Variants in IGLON5 observed in about 807,000 individuals in gnomAD.
IGLON5 encodes Ig-like domain-containing protein ENSP00000270642.
A neutral mutation model predicts 38.2 loss-of-function variants in IGLON5; 16 were observed. That is an observed-to-expected ratio of 0.42 (90% CI 0.28 to 0.64). The LOEUF is 0.64. IGLON5 is among the 30% of genes least tolerant of loss of function. The pLI is 0.23. For synonymous variants in IGLON5, 207 were observed against 216.4 expected (o/e 0.96, Z 0.38); for missense variants, 366 against 483.4 (o/e 0.76, Z 2.28).
At position 51,323,736 on chromosome 19, in the gene IGLON5, G is replaced by C. The variant is rs772175197; in HGVS notation, c.233G>C (p.Arg78Pro). ...RSNILYAGND[R>P]WTSDPRVRLL... ...AACATCCTGTATGCCGGCAATGACC[G>C]CTGGACCAGCGACCCGCGGGTGCGG... is the stretch of plus-strand genomic sequence containing the variant. Residue 78 changes from arginine (R) to proline (P), a missense_variant, in exon 3 of 8, where the codon CGC becomes CCC. Arg to Pro is a moderately radical substitution (Grantham distance 103). Coordinates refer to ENST00000270642, the MANE Select transcript of IGLON5 (RefSeq NM_001101372.3). 1.2e-6 allele frequency: 2 copies of C among 1,613,952 alleles called. No individual in the cohort carries two copies. Among genetic ancestry groups the C allele is most frequent in the Non-Finnish European group, 8.5e-7 (1 of 1,179,894 alleles).
intron 7 of IGLON5, among the ~76,000 whole-genome samples, chr19:51,328,465 T>C: frequency 6.7e-6 from 1 of 149,584 alleles, no homozygotes; most frequent in Non-Finnish European, 1.5e-5. Flanking sequence ...TGAGCCGAGA[T>C]TGCGCCTGGG....
intron 1 of IGLON5, among the ~76,000 whole-genome samples, chr19:51,319,884 T>G (rs1985011564): frequency 6.7e-6 from 1 of 149,734 alleles, no homozygotes. Context: ...TTGTATGTGT[T>G]TGTGTGTGTG....
Position 51,328,711 on chromosome 19 carries a change from G to C in IGLON5, c.963G>C (p.Gly321=). ...AGAACTCAGCCCCGAGGCCCCCAGGGCTCCTGGCCCTCCTCTCCGCCCTGG... is the reference window on the plus strand; with the variant it reads ...AGAACTCAGCCCCGAGGCCCCCAGGCCTCCTGGCCCTCCTCTCCGCCCTGG... The part of the protein sequence containing the change: ...SLENSAPRPP[G]LLALLSALGW... The change falls in exon 8 of 8, where the codon GGG becomes GGC. Residue 321 remains glycine (G), a synonymous_variant. Coordinates refer to ENST00000270642, the MANE Select transcript of IGLON5 (RefSeq NM_001101372.3). The C allele has an allele frequency of 6.3e-7, 1 of 1,599,332 alleles. No individual in the cohort carries two copies. The highest frequency in any genetic ancestry group is 8.5e-7 in the Non-Finnish European group (1 of 1,173,150).
rs370916177 is a variant in IGLON5, at chr19:51,326,759, C to T, written c.512-5C>T. The T allele has an allele frequency of 3.2e-6, 5 of 1,546,856 alleles. No individual in the cohort carries two copies. The highest frequency in any genetic ancestry group is 2.0e-5 in the Admixed American group (1 of 50,324). On this transcript the variant is annotated splice_polypyrimidine_tract_variant and splice_region_variant and intron_variant, in intron 4 of 7. Coordinates refer to ENST00000270642, the MANE Select transcript of IGLON5 (RefSeq NM_001101372.3). ...CCCGCCCCCTCCTCCTCCTTCCCCC[C>T]ACAGACGGCTTCACCTCGGAGGGAG...
At chr19:51,318,558 C>A (rs1354711700) in intron 1 of IGLON5, among the ~76,000 whole-genome samples, 1 of 151,190 alleles carries the variant, frequency 6.6e-6, no homozygotes, top group Non-Finnish European at 1.5e-5. Context: ...GGCAACATGG[C>A]AAGACCTCGT....
intron 1 of IGLON5, among the ~76,000 whole-genome samples, chr19:51,319,757 G>T (rs1035189595): frequency 6.6e-6 from 1 of 152,184 alleles, no homozygotes; most frequent in Non-Finnish European, 1.5e-5. Flanking sequence ...CTGGGTGCCT[G>T]TGCAGAGCTG....
chr19:51,312,499 G>A (rs531855395), intron 1 of IGLON5, among the ~76,000 whole-genome samples: 38 of 152,246 alleles, frequency 2.5e-4, no homozygotes, highest in African/African-American at 8.9e-4. Flanking sequence ...GGAAAAGAGG[G>A]GAAGGGTCTG....
intron 4 of IGLON5, 147 bp from the exon 5 acceptor site, chr19:51,326,617 G>GCCCCCCCCC: frequency 8.0e-6 from 1 of 124,556 alleles, no homozygotes. Context: ...CGGCCCTGCA[G>GCCCCCCCCC]CCCCTCCCCC....
In IGLON5 at chr19:51,328,938, T is replaced by C; in HGVS notation, c.*179T>C. 1.9e-6 allele frequency: 1 copy of C among 517,534 alleles called. No homozygotes were observed. The highest frequency in any genetic ancestry group is 3.4e-6 in the Non-Finnish European group (1 of 291,660). The allele number at this position is 517,534 out of a possible 1,614,324, so 32.1% of individuals were successfully genotyped here. A position where few individuals can be genotyped will look rare whatever the true frequency, so the allele number is the denominator to read the frequency against. On this transcript the variant is annotated 3_prime_UTR_variant, in exon 8 of 8. Transcript: ENST00000270642. ...AAGATCTTCAGAGAACCCATCACTG[T>C]GAGGGATAACGCAAAATTATGCATC...
chr19:51,311,768 C>G lies in IGLON5; in HGVS notation c.-80C>G, dbSNP rs1347643516. On this transcript the variant is annotated 5_prime_UTR_variant, in exon 1 of 8. Transcript: ENST00000270642. ...CAGCGCAGGCGGGGTCCCCCTCCCC[C>G]TCCCCCCTCTCCCCCCAGGCCTCGC... 2.4e-5 allele frequency: 6 copies of G among 245,582 alleles called. No homozygotes were observed. Among genetic ancestry groups the G allele is most frequent in the Non-Finnish European group, 4.6e-5 (6 of 130,010 alleles). The allele number at this position is 245,582 out of a possible 1,614,324, so 15.2% of individuals were successfully genotyped here. A position where few individuals can be genotyped will look rare whatever the true frequency, so the allele number is the denominator to read the frequency against.
Position 51,325,908 on chromosome 19 carries a change from C to T in IGLON5, c.511+443C>T, listed in dbSNP as rs968939655. Among the ~76,000 whole-genome samples, 8 of 152,176 alleles carry T rather than the reference C, an allele frequency of 5.3e-5. No homozygotes were observed. In the East Asian group the frequency reaches 9.6e-4, roughly 18 times the overall value. On this transcript the variant is annotated intron_variant, in intron 4 of 7. Transcript: ENST00000270642. This position sits in a 1 kb window ranked among gnomAD's most constrained non-coding sequence, Gnocchi z 5.5. Reference sequence around the variant, plus strand: ...GGTGTGGGCCCCAGACCCGAAGCATCAGCATACCTTGGGAACTTGCCAGGA... The same window carrying T: ...GGTGTGGGCCCCAGACCCGAAGCATTAGCATACCTTGGGAACTTGCCAGGA...
chr19:51,323,414 G>A (rs1209267735), intron 2 of IGLON5, among the ~76,000 whole-genome samples: 1 of 151,718 alleles, frequency 6.6e-6, no homozygotes, highest in African/African-American at 2.4e-5. Context: ...TCCCCTTTTT[G>A]TGTCTCTGAC....
In IGLON5 at chr19:51,311,847, G is replaced by T; in HGVS notation, c.-1G>T. 1.6e-6 allele frequency: 2 copies of T among 1,240,376 alleles called. No homozygotes were observed. The highest frequency in any genetic ancestry group is 2.5e-5 in the South Asian group (1 of 40,360). The allele number at this position is 1,240,376 out of a possible 1,614,324, so 76.8% of individuals were successfully genotyped here. A position where few individuals can be genotyped will look rare whatever the true frequency, so the allele number is the denominator to read the frequency against. Reference sequence around the variant, plus strand: ...TCCCCCTCCGCGCCGCCTCTGCCGCGATGCCCCCCCCTGCGCCCGGGGCCC... The same window carrying T: ...TCCCCCTCCGCGCCGCCTCTGCCGCTATGCCCCCCCCTGCGCCCGGGGCCC... On this transcript the variant is annotated 5_prime_UTR_variant, in exon 1 of 8. Coordinates refer to ENST00000270642, the MANE Select transcript of IGLON5 (RefSeq NM_001101372.3).
At position 51,311,671 on chromosome 19, in the gene IGLON5, G is replaced by A. The variant is rs1441254245; in HGVS notation, c.-177G>A. ...CAGCGCCGCCCCCCTCCCCGGGTCT[G>A]CAGCAGCTCCAGCCGCCTCGTCGCG... On this transcript the variant is annotated 5_prime_UTR_variant, in exon 1 of 8. Coordinates refer to ENST00000270642, the MANE Select transcript of IGLON5 (RefSeq NM_001101372.3). 7.3e-6 allele frequency among the ~76,000 whole-genome samples: 1 copy of A among 136,712 alleles called. No homozygotes were observed. Among genetic ancestry groups the A allele is most frequent in the Non-Finnish European group, 1.6e-5 (1 of 62,786 alleles). 89.7% of individuals were successfully genotyped at this position (136,712 alleles called of 152,430 possible).
rs1457633707 is a variant in IGLON5 at position 51,329,969 on chromosome 19, A to T, written c.*1210A>T. The T allele has an allele frequency of 1.3e-5, 2 of 152,248 alleles. No homozygotes were observed. The highest frequency in any genetic ancestry group is 2.4e-5 in the African/African-American group (1 of 41,450). The allele number at this position is 152,248 out of a possible 1,614,324, so 9.4% of individuals were successfully genotyped here. A position where few individuals can be genotyped will look rare whatever the true frequency, so the allele number is the denominator to read the frequency against. On this transcript the variant is annotated 3_prime_UTR_variant, in exon 8 of 8. Transcript: ENST00000270642. The surrounding 1 kb of genome is among the most constrained non-coding windows in gnomAD (Gnocchi z 4.3). ...TCAGGAAGGGACGCTGAGAGGCCGC[A>T]GCCTCAGCTCTGACTGTAGGAACAC...
chr19:51,321,782 A>G (rs1480615570), intron 1 of IGLON5, among the ~76,000 whole-genome samples: 1 of 152,048 alleles, frequency 6.6e-6, no homozygotes, highest in African/African-American at 2.4e-5. Flanking sequence ...TGAGTCTGTG[A>G]GTCTGTGTGG....
chr19:51,325,413 T>G lies in IGLON5; in HGVS notation c.459T>G (p.Leu153=). The part of the protein sequence containing the change: ...TVNEGGNVNL[L]CLAVGRPEPT... ...ATGAGGGGGGCAATGTGAACCTGCTTTGCCTGGCCGTGGGGCGGCCAGAGC... is the reference window on the plus strand; with the variant it reads ...ATGAGGGGGGCAATGTGAACCTGCTGTGCCTGGCCGTGGGGCGGCCAGAGC... Residue 153 remains leucine (L), a synonymous_variant, in exon 4 of 8, where the codon CTT becomes CTG. Coordinates refer to ENST00000270642, the MANE Select transcript of IGLON5 (RefSeq NM_001101372.3). The surrounding 1 kb of genome is among the most constrained non-coding windows in gnomAD (Gnocchi z 5.5). 6.2e-7 allele frequency: 1 copy of G among 1,613,826 alleles called. No individual in the cohort carries two copies. The highest frequency in any genetic ancestry group is 8.5e-7 in the Non-Finnish European group (1 of 1,179,804).
intron 1 of IGLON5, among the ~76,000 whole-genome samples, chr19:51,312,321 G>A (rs1206374227): frequency 6.6e-6 from 1 of 152,086 alleles, no homozygotes; most frequent in Admixed American, 6.5e-5. Flanking sequence ...GGGGGGCAGG[G>A]GATAATGCCC....
Position 51,311,688 on chromosome 19 carries a change from C to G in IGLON5, c.-160C>G, listed in dbSNP as rs1399029364. 2.1e-5 allele frequency among the ~76,000 whole-genome samples: 3 copies of G among 142,076 alleles called. No homozygotes were observed. Among genetic ancestry groups the G allele is most frequent in the African/African-American group, 5.1e-5 (2 of 38,926 alleles). The allele number at this position is 142,076 out of a possible 152,430, so 93.2% of individuals were successfully genotyped here. ...CCGGGTCTGCAGCAGCTCCAGCCGC[C>G]TCGTCGCGCCCCCCCAGCCCCCTCC... is the stretch of plus-strand genomic sequence containing the variant. On this transcript the variant is annotated 5_prime_UTR_variant, in exon 1 of 8. Transcript: ENST00000270642.
Sources: allele counts gnomAD v4.1 joint callset (sites outside exome capture counted in the v4.1 genomes callset), GRCh38; gene constraint gnomAD v4.1.1; non-coding constraint Gnocchi (gnomAD v3.1); transcripts MANE v1.5; gene names NCBI Gene and HGNC (gene_info 2026-07-23, HGNC 2026-07-21).